Variants in ANXA5 observed in about 807,000 individuals in gnomAD.
The protein encoded by ANXA5 is CBP-I.
In ANXA5, 40 loss-of-function variants were observed where a neutral mutation model predicts 48.1. That is an observed-to-expected ratio of 0.83 (90% CI 0.65 to 1.08). The LOEUF (loss-of-function observed/expected upper bound fraction) is 1.08. Among genes scored for constraint, ANXA5 ranks in the 50% least tolerant of loss-of-function variants. ANXA5 has a pLI of 0.00. For synonymous variants in ANXA5, 113 were observed against 129.1 expected (o/e 0.88, Z 0.85); for missense variants, 357 against 376.8 (o/e 0.95, Z 0.44).
intron 4 of ANXA5, among the ~76,000 whole-genome samples, chr4:121,683,946 C>A (rs1236227938): frequency 1.3e-5 from 2 of 151,730 alleles, no homozygotes; most frequent in Non-Finnish European, 2.9e-5. Flanking sequence ...TGACTCCTGA[C>A]CACTGGGAGA....
intron 10 of ANXA5, among the ~76,000 whole-genome samples, chr4:121,670,933 C>A (rs1724601813): frequency 6.6e-6 from 1 of 152,122 alleles, no homozygotes; most frequent in Admixed American, 6.6e-5. Context: ...CAGAGGCTCA[C>A]TGCAGACCCA....
chr4:121,686,078 T>C (rs1724884008), intron 3 of ANXA5, among the ~76,000 whole-genome samples: 1 of 151,960 alleles, frequency 6.6e-6, no homozygotes, highest in Non-Finnish European at 1.5e-5. Flanking sequence ...TAGTGTATTT[T>C]ATGTGTGGCC....
chr4:121,674,935 T>G (rs1300953126), intron 8 of ANXA5, among the ~76,000 whole-genome samples: 1 of 152,202 alleles, frequency 6.6e-6, no homozygotes, highest in African/African-American at 2.4e-5. Flanking sequence ...CTGCAAGATC[T>G]CAGATGAACT....
At chr4:121,679,688 C>CAAA (rs1724757327) in intron 6 of ANXA5, among the ~76,000 whole-genome samples, 1 of 152,136 alleles carries the variant, frequency 6.6e-6, no homozygotes, top group Non-Finnish European at 1.5e-5. Flanking sequence ...GTACCTCACC[C>CAAA]AAAAATATCT....
In ANXA5 at chr4:121,684,682, CA is replaced by C; in HGVS notation, c.183del (p.Phe61LeufsTer9). The C allele has an allele frequency of 6.2e-7, 1 of 1,613,680 alleles. No homozygotes were observed. The highest frequency in any genetic ancestry group is 8.5e-7 in the Non-Finnish European group (1 of 1,179,718). On this transcript the variant is annotated frameshift_variant, in exon 4 of 13. Coordinates refer to ENST00000296511, the MANE Select transcript of ANXA5 (RefSeq NM_001154.4). LOFTEE classifies it high-confidence loss of function. ...GGGATGAAGTGTGGTCTTACCCTGC[CA>C]AACAGAGTCTTAAAAGCTGCAGAGA... ...QEISAAFKTL[F>X]GRDLLDDLKS... is the part of the protein sequence containing the mutation.
At chr4:121,673,391 C>T (rs986607482) in intron 8 of ANXA5, among the ~76,000 whole-genome samples, 1 of 152,182 alleles carries the variant, frequency 6.6e-6, no homozygotes, top group Non-Finnish European at 1.5e-5. Context: ...TTTACAATGA[C>T]TGTACTATCC....
intron 2 of ANXA5, among the ~76,000 whole-genome samples, chr4:121,696,010 G>A (rs1725073917): frequency 6.6e-6 from 1 of 151,734 alleles, no homozygotes; most frequent in South Asian, 2.1e-4. Context: ...CGAGTTCATT[G>A]CTTAAGAAAA....
At chr4:121,674,166 G>A (rs1309347935) in intron 8 of ANXA5, among the ~76,000 whole-genome samples, 4 of 130,900 alleles carry the variant, frequency 3.1e-5, no homozygotes, top group Non-Finnish European at 6.5e-5. Flanking sequence ...GGGCACGAAG[G>A]AAAGGAAAGG....
chr4:121,674,479 A>G (rs4240260), intron 8 of ANXA5, among the ~76,000 whole-genome samples: 58,692 of 152,040 alleles, frequency 0.39, 13,517 homozygotes, highest in East Asian at 0.69. Flanking sequence ...AAATGGGTAA[A>G]GGACTCATCT....
At chr4:121,674,046 T>A (rs961265311) in intron 8 of ANXA5, among the ~76,000 whole-genome samples, 22 of 151,256 alleles carry the variant, frequency 1.5e-4, no homozygotes, top group Non-Finnish European at 3.1e-4. Flanking sequence ...CCAGGCACGG[T>A]GGCAGATGCC....
chr4:121,693,008 C>T (rs1302831366), intron 2 of ANXA5, among the ~76,000 whole-genome samples: 3 of 152,146 alleles, frequency 2.0e-5, no homozygotes, highest in South Asian at 2.1e-4. Flanking sequence ...CCGAGGCACA[C>T]GGATCACTTG....
chr4:121,668,367 G>A lies in ANXA5; in HGVS notation c.*101C>T, dbSNP rs1724555209. ...GTCATGAGCATGCTAGTATGAATAA[G>A]GCAATGTGTTAAGCACTGGCATACA... On this transcript the variant is annotated 3_prime_UTR_variant, in exon 13 of 13. Coordinates refer to ENST00000296511, the MANE Select transcript of ANXA5 (RefSeq NM_001154.4). 1.0e-6 allele frequency: 1 copy of A among 992,340 alleles called. No individual in the cohort carries two copies. The highest frequency in any genetic ancestry group is 1.6e-6 in the Non-Finnish European group (1 of 621,906). The allele number at this position is 992,340 out of a possible 1,614,324, so 61.5% of individuals were successfully genotyped here.
chr4:121,668,911 T>C (rs989368378), intron 12 of ANXA5, among the ~76,000 whole-genome samples: 4 of 150,632 alleles, frequency 2.7e-5, no homozygotes, highest in African/African-American at 7.3e-5. Context: ...CAGACATGCA[T>C]GATAAATTAA....
intron 2 of ANXA5, among the ~76,000 whole-genome samples, chr4:121,693,440 T>C (rs536913295): frequency 6.6e-6 from 1 of 152,296 alleles, no homozygotes; most frequent in African/African-American, 2.4e-5. Flanking sequence ...TTTAGAATAG[T>C]ATGAAGGTTA....
chr4:121,683,860 C>A (rs1454511086), intron 4 of ANXA5, among the ~76,000 whole-genome samples: 1 of 152,038 alleles, frequency 6.6e-6, no homozygotes, highest in Non-Finnish European at 1.5e-5. Flanking sequence ...GTCTCTCATA[C>A]CCAAACGTAA....
intron 1 of ANXA5, 28 bp from the exon 2 acceptor site, chr4:121,696,652 A>G: frequency 7.5e-7 from 1 of 1,326,028 alleles, no homozygotes; most frequent in East Asian, 2.8e-5. Flanking sequence ...CCTCGGGCTT[A>G]GCGCGCCATT....
At chr4:121,675,283 A>G (rs2110481256) in intron 8 of ANXA5, among the ~76,000 whole-genome samples, 1 of 152,316 alleles carries the variant, frequency 6.6e-6, no homozygotes, top group East Asian at 1.9e-4. Context: ...CCTCTCAAAT[A>G]ATAGAAATCT....
chr4:121,696,125 C>G (rs933101868), intron 2 of ANXA5, among the ~76,000 whole-genome samples: 36 of 122,604 alleles, frequency 2.9e-4, no homozygotes, highest in African/African-American at 1.1e-3. Context: ...AATGCTCAAT[C>G]ACAGTATTAA....
At chr4:121,688,238 TAAGCC>T (rs1724925840) in intron 2 of ANXA5, among the ~76,000 whole-genome samples, 1 of 152,144 alleles carries the variant, frequency 6.6e-6, no homozygotes, top group Non-Finnish European at 1.5e-5. Context: ...TCCTTCTTTA[TAAGCC>T]ACCCAGTCTA....
Sources: allele counts gnomAD v4.1 joint callset (sites outside exome capture counted in the v4.1 genomes callset), GRCh38; gene constraint gnomAD v4.1.1; transcripts MANE v1.5; gene names NCBI Gene and HGNC (gene_info 2026-07-23, HGNC 2026-07-21).